The following FERMT1 variants were observed in gnomAD, a reference collection of about 807,000 sequenced individuals.
FERMT1 encodes FERM domain containing kindlin 1, also known as fermitin family homolog 1.
In FERMT1, 60 loss-of-function variants were observed where a neutral mutation model predicts 85.3. The ratio of observed to expected loss-of-function variants is 0.70; its 90% CI spans 0.57 to 0.87. The LOEUF (loss-of-function observed/expected upper bound fraction) is 0.87. Among genes scored for constraint, FERMT1 ranks in the 40% least tolerant of loss-of-function variants. The pLI, the probability that FERMT1 is intolerant of heterozygous loss-of-function variation, is 0.00. For synonymous variants in FERMT1, 275 were observed against 301.1 expected, an observed-to-expected ratio of 0.91 and a Z score of 0.90; for missense variants, 701 against 818.9, an observed-to-expected ratio of 0.86 and a Z score of 1.76.
intron 9 of FERMT1, 123 bp from the exon 10 acceptor site, chr20:6,089,212 TAATTTC>T: frequency 1.1e-6 from 1 of 947,806 alleles, no homozygotes; most frequent in South Asian, 1.4e-5. Context: ...TTTTCAAAAA[TAATTTC>T]AAATTGCTAA....
At chr20:6,096,178 C>T (rs949968643) in intron 8 of FERMT1, among the ~76,000 whole-genome samples, 7 of 152,204 alleles carry the variant, frequency 4.6e-5, no homozygotes, top group Non-Finnish European at 8.8e-5. Flanking sequence ...TTTGGTCAAG[C>T]TTGTCTGGTT....
intron 10 of FERMT1, among the ~76,000 whole-genome samples, chr20:6,088,284 T>C (rs1230053097): frequency 1.3e-5 from 2 of 152,198 alleles, no homozygotes; most frequent in Non-Finnish European, 2.9e-5. Context: ...ATCAGGACGC[T>C]CACAGTGACC....
At chr20:6,098,463 A>T (rs1005839094) in intron 6 of FERMT1, among the ~76,000 whole-genome samples, 1 of 152,144 alleles carries the variant, frequency 6.6e-6, no homozygotes, top group African/African-American at 2.4e-5. Flanking sequence ...AAAACCTATT[A>T]TAAAGTTGCA....
At chr20:6,097,804 T>G (rs200441769) in intron 6 of FERMT1, among the ~76,000 whole-genome samples, 173 bp from the exon 7 acceptor site, 385 of 141,948 alleles carry the variant, frequency 2.7e-3, no homozygotes, top group African/African-American at 9.8e-3. Flanking sequence ...TTTTTTAAAG[T>G]TTTTTTTTTT....
chr20:6,112,339 G>A (rs539723187), intron 4 of FERMT1, 138 bp downstream of exon 4: 1 of 826,770 alleles, frequency 1.2e-6, no homozygotes. Flanking sequence ...TTCTAAACTT[G>A]ACTAGATAGC....
chr20:6,083,523 G>T (rs1271685519), intron 13 of FERMT1, among the ~76,000 whole-genome samples: 1 of 151,842 alleles, frequency 6.6e-6, no homozygotes, highest in Non-Finnish European at 1.5e-5. Flanking sequence ...CAAAAAGGAG[G>T]AAGCTGACAT....
intron 13 of FERMT1, among the ~76,000 whole-genome samples, chr20:6,080,413 G>T (rs1188463944): frequency 6.6e-6 from 1 of 152,172 alleles, no homozygotes; most frequent in Non-Finnish European, 1.5e-5. Flanking sequence ...CTCCCAAAGT[G>T]CTGGGATTAC....
intron 3 of FERMT1, among the ~76,000 whole-genome samples, chr20:6,114,303 C>T (rs1236898989): frequency 6.6e-6 from 1 of 152,220 alleles, no homozygotes; most frequent in East Asian, 1.9e-4. Context: ...TGTGTCTTTT[C>T]TGTTCTTCAA....
At chr20:6,093,731 C>A (rs943185900) in intron 9 of FERMT1, among the ~76,000 whole-genome samples, 1 of 152,102 alleles carries the variant, frequency 6.6e-6, no homozygotes. Context: ...CCAAGGCAGG[C>A]GGATCACCTG....
intron 13 of FERMT1, among the ~76,000 whole-genome samples, chr20:6,082,090 C>CT (rs1408435092): frequency 1.3e-5 from 2 of 152,210 alleles, no homozygotes; most frequent in Admixed American, 6.5e-5. Context: ...GGCTTTGACT[C>CT]TGACTGACCT....
rs1981786050 is a variant in FERMT1 at position 6,075,366 on chromosome 20, T to C, written c.*1807A>G. 1.5e-5 allele frequency: 2 copies of C among 134,942 alleles called. No individual in the cohort carries two copies. Among genetic ancestry groups the C allele is most frequent in the South Asian group, 5.4e-4 (2 of 3,724 alleles). The allele number at this position is 134,942 out of a possible 1,614,324, so 8.4% of individuals were successfully genotyped here. A position where few individuals can be genotyped will look rare whatever the true frequency, so the allele number is the denominator to read the frequency against. ...GTTCTAAAATAATAGAACTGAGAAA[T>C]AGGACTGAGAAATGACCAACATCAA... On this transcript the variant is annotated 3_prime_UTR_variant, in exon 15 of 15. Transcript: ENST00000217289.
Position 6,087,925 on chromosome 20 carries a change from T to A in FERMT1, c.1265-42A>T, listed in dbSNP as rs751048669. 3.8e-6 allele frequency: 4 copies of A among 1,058,222 alleles called. No homozygotes were observed. The Admixed American group carries it at 6.7e-5, about 18-fold the overall frequency. 65.6% of individuals were successfully genotyped at this position (1,058,222 alleles called of 1,614,324 possible). The stretch of plus-strand genomic sequence containing the variant: ...AGAGACAAAACTGAGTTCTGAGGCA[T>A]CTGTTAGATAAACATCAGGTGTGTA... On this transcript the variant is annotated intron_variant, in intron 10 of 14. Transcript: ENST00000217289.
chr20:6,097,965 C>A (rs1982555698), intron 6 of FERMT1, among the ~76,000 whole-genome samples: 1 of 152,094 alleles, frequency 6.6e-6, no homozygotes, highest in South Asian at 2.1e-4. Flanking sequence ...CAGGCATGTG[C>A]CACCACACCT....
intron 8 of FERMT1, among the ~76,000 whole-genome samples, chr20:6,096,570 T>A (rs1193847493): frequency 6.6e-6 from 1 of 152,152 alleles, no homozygotes; most frequent in Admixed American, 6.6e-5. Flanking sequence ...CAGGGTGGTA[T>A]TTTCTAGACT....
Position 6,080,670 on chromosome 20 carries a change from C to A in FERMT1, c.1719-1093G>T, listed in dbSNP as rs115254516. On this transcript the variant is annotated intron_variant, in intron 13 of 14. Transcript: ENST00000217289. ...AGAGTCACTAGGAGTTGCCTATGGG[C>A]AGGATGTTGGTGTAAGAGAAAGAGC... Among the ~76,000 whole-genome samples, 474 of 152,224 alleles carry A rather than the reference C, an allele frequency of 3.1e-3. 1 individual carries two copies. Among genetic ancestry groups the A allele is most frequent in the African/African-American group, 0.011 (459 of 41,536 alleles).
intron 1 of FERMT1, chr20:6,120,537 G>A (rs1983245422): frequency 6.6e-6 from 1 of 152,214 alleles, no homozygotes; most frequent in African/African-American, 2.4e-5. Flanking sequence ...AACTTGAGAT[G>A]TCAGTTCTCT....
intron 14 of FERMT1, among the ~76,000 whole-genome samples, chr20:6,078,352 G>C (rs143538123): frequency 1.3e-5 from 2 of 152,186 alleles, no homozygotes; most frequent in Non-Finnish European, 2.9e-5. Flanking sequence ...AGGAAGTCAG[G>C]GTTCTTAACA....
chr20:6,102,284 C>T (rs1033288365), intron 6 of FERMT1, among the ~76,000 whole-genome samples: 6 of 152,102 alleles, frequency 3.9e-5, no homozygotes, highest in Non-Finnish European at 7.4e-5. Flanking sequence ...ACCCCCACCC[C>T]GAGAACTCTT....
intron 2 of FERMT1, among the ~76,000 whole-genome samples, chr20:6,118,972 G>A (rs1021115724): frequency 2.7e-5 from 4 of 148,412 alleles, no homozygotes; most frequent in Non-Finnish European, 3.0e-5. Context: ...CCCCGACACC[G>A]AGTCTTGCTC....
Sources: gnomAD v4.1 joint callset for allele counts (sites outside exome capture counted in the v4.1 genomes callset) on GRCh38, gnomAD v4.1.1 for gene constraint, MANE v1.5 for transcripts, NCBI Gene and HGNC (gene_info 2026-07-23, HGNC 2026-07-21) for gene names.